The following COPZ2 variants were observed in gnomAD, a reference collection of about 807,000 sequenced individuals.
COPZ2 encodes coatomer subunit zeta-2.
A neutral mutation model predicts 33.2 loss-of-function variants in COPZ2; 30 were observed. The observed-to-expected ratio is 0.90, with a 90% CI of 0.68 to 1.23. The LOEUF is 1.23. COPZ2 is among the 50% of genes most tolerant of loss of function. The probability of loss-of-function intolerance (pLI) is 0.00; values close to 1 mark genes in which losing one functional copy is unlikely to be tolerated. For missense variants in COPZ2, 263 were observed against 262.4 expected (o/e 1.00, Z -0.02); for synonymous variants, 89 against 102.6 (o/e 0.87, Z 0.80).
chr17:48,033,816 G>T, intron 3 of COPZ2, 47 bp downstream of exon 3: 1 of 1,385,000 alleles, frequency 7.2e-7, no homozygotes, highest in Non-Finnish European at 1.0e-6. Context: ...TGGAGAAGAT[G>T]ACAGTGTGCA....
the COPZ2 span, chr17:48,046,914 C>T: frequency 0.13 from 20,102 of 152,170 alleles, 1,827 homozygotes; most frequent in Non-Finnish European, 0.19. Flanking sequence ...GGGAGACACG[C>T]GTCAGTAGTC....
upstream of COPZ2, among the ~76,000 whole-genome samples, chr17:48,041,304 A>G (rs11079805): frequency 0.11 from 16,209 of 152,238 alleles, 1,116 homozygotes; most frequent in African/African-American, 0.19. Context: ...GTGTTTGTGT[A>G]TGTACATGCG....
Position 48,037,278 on chromosome 17 carries a change from C to A in COPZ2, c.112-353G>T, listed in dbSNP as rs1362126187. ...CCGAGCCTCCTTCTTCCAGCTGATC[C>A]CTGGCCGGGCTGGACCTGCGCTATC... On this transcript the variant is annotated intron_variant, in intron 1 of 8. Transcript: ENST00000621465. The surrounding 1 kb of genome is among the most constrained non-coding windows in gnomAD (Gnocchi z 5.6). The A allele has an allele frequency of 1.9e-6, 1 of 539,582 alleles. No homozygotes were observed. The highest frequency in any genetic ancestry group is 3.6e-6 in the Non-Finnish European group (1 of 276,064). The allele number at this position is 539,582 out of a possible 1,614,324, so 33.4% of individuals were successfully genotyped here.
At chr17:48,035,757 T>C (rs917384744) in intron 2 of COPZ2, among the ~76,000 whole-genome samples, 10 of 140,906 alleles carry the variant, frequency 7.1e-5, no homozygotes, top group Non-Finnish European at 1.1e-4. Flanking sequence ...TCTTTTCTTT[T>C]TTTTTTTTTT....
upstream of COPZ2, among the ~76,000 whole-genome samples, chr17:48,039,804 G>C (rs1160575877): frequency 6.6e-6 from 1 of 152,130 alleles, no homozygotes; most frequent in Non-Finnish European, 1.5e-5. Context: ...ACAGTGGTGT[G>C]ATCATAGTTC....
At chr17:48,030,457 C>T (rs761143094) in intron 6 of COPZ2, among the ~76,000 whole-genome samples, 25 of 152,130 alleles carry the variant, frequency 1.6e-4, no homozygotes, top group Admixed American at 2.6e-4. Context: ...CCTGTCACTG[C>T]GGCAGGACAA....
At chr17:48,043,678 C>T in the COPZ2 span, 3 of 371,132 alleles carry the variant, frequency 8.1e-6, no homozygotes, top group East Asian at 3.3e-4. Context: ...GGGCCTTATA[C>T]TCAGCTCTTC....
At chr17:48,030,289 A>AACACACACAC (rs71935471) in intron 6 of COPZ2, among the ~76,000 whole-genome samples, 3,631 of 128,334 alleles carry the variant, frequency 0.028, 66 homozygotes, top group Middle Eastern at 0.044. Flanking sequence ...TCCATCTCAA[A>AACACACACAC]ACACACACAC....
In COPZ2 at chr17:48,033,224, G is replaced by T; in HGVS notation, c.347C>A (p.Ser116Tyr). ...IDLFLYVVGSSYENELMLMSV... is the reference protein window; with the variant it reads ...IDLFLYVVGSYYENELMLMSV... Reference sequence around the variant, plus strand: ...TCCTGAATTCACCTCATTCTCGTAGGATGAGCCCACCACGTATAGGAAGAG... The same window carrying T: ...TCCTGAATTCACCTCATTCTCGTAGTATGAGCCCACCACGTATAGGAAGAG... The change falls in exon 4 of 9, where the codon TCC becomes TAC. Residue 116 changes from serine (S) to tyrosine (Y), a missense_variant. Transcript: ENST00000621465. The T allele has an allele frequency of 6.2e-7, 1 of 1,610,096 alleles. No individual in the cohort carries two copies.
At chr17:48,036,797 A>G in intron 2 of COPZ2, 54 bp downstream of exon 2, 1 of 1,532,046 alleles carries the variant, frequency 6.5e-7, no homozygotes, top group Non-Finnish European at 9.0e-7. Flanking sequence ...CTCCTGAGAC[A>G]GGAGTGTCAG....
At position 48,033,259 on chromosome 17, in the gene COPZ2, G is replaced by C; in HGVS notation, c.312C>G (p.Asn104Lys). 2 of 1,613,378 alleles carry C rather than the reference G, an allele frequency of 1.2e-6. No homozygotes were observed. Among genetic ancestry groups the C allele is most frequent in the Middle Eastern group, 1.6e-4 (1 of 6,062 alleles). Residue 104 changes from asparagine to lysine, a missense_variant, in exon 4 of 9, where the codon AAC (asparagine) becomes AAG (lysine). Asn to Lys is a moderately conservative substitution (Grantham distance 94). Coordinates refer to ENST00000621465, the MANE Select transcript of COPZ2 (RefSeq NM_016429.4). ...CCACGTATAGGAAGAGGTCAATGCT[G>C]TTCTTGTAGACGATGGTCATACCCC... is the stretch of plus-strand genomic sequence containing the variant. ...FFGGMTIVYK[N>K]SIDLFLYVVG...
Position 48,037,152 on chromosome 17 carries a change from G to T in COPZ2, c.112-227C>A, listed in dbSNP as rs547445418. 2.6e-6 allele frequency: 2 copies of T among 758,158 alleles called. No homozygotes were observed. The highest frequency in any genetic ancestry group is 4.9e-6 in the Non-Finnish European group (2 of 404,536). 47.0% of individuals were successfully genotyped at this position (758,158 alleles called of 1,614,324 possible). On this transcript the variant is annotated intron_variant, in intron 1 of 8. Coordinates refer to ENST00000621465, the MANE Select transcript of COPZ2 (RefSeq NM_016429.4). The surrounding 1 kb of genome is among the most constrained non-coding windows in gnomAD (Gnocchi z 5.6). ...CCCCGAGTGGGCGCTGTGCCCGTTG[G>T]GTGCAGAAGGTCCTTCCGGGCCCAA...
the COPZ2 span, among the ~76,000 whole-genome samples, chr17:48,044,403 CTTTTTTTT>C: frequency 2.0e-5 from 2 of 101,756 alleles, no homozygotes; most frequent in African/African-American, 3.4e-5. Flanking sequence ...CAATCTTTTG[CTTTTTTTT>C]TTTTTTTTTT....
At chr17:48,045,048 C>A in the COPZ2 span, 1 of 152,168 alleles carries the variant, frequency 6.6e-6, no homozygotes, top group South Asian at 2.1e-4. Flanking sequence ...CCTCAACCTC[C>A]CCAGGATCGG....
intron 6 of COPZ2, among the ~76,000 whole-genome samples, chr17:48,030,452 C>T (rs1348623223): frequency 6.6e-6 from 1 of 152,176 alleles, no homozygotes. Flanking sequence ...GAGGGCCTGT[C>T]ACTGCGGCAG....
At chr17:48,044,076 G>C in the COPZ2 span, among the ~76,000 whole-genome samples, 1 of 152,250 alleles carries the variant, frequency 6.6e-6, no homozygotes, top group East Asian at 1.9e-4. Flanking sequence ...GCCGGGTGCA[G>C]TGGCTCACGC....
chr17:48,036,653 C>G (rs961949938), intron 2 of COPZ2, among the ~76,000 whole-genome samples, 198 bp downstream of exon 2: 7 of 152,184 alleles, frequency 4.6e-5, no homozygotes, highest in Admixed American at 2.6e-4. Flanking sequence ...GGAAACATTT[C>G]AGGGAACATG....
At chr17:48,046,282 A>G in the COPZ2 span, 1 of 152,236 alleles carries the variant, frequency 6.6e-6, no homozygotes, top group Non-Finnish European at 1.5e-5. Context: ...GTAGTTAAAC[A>G]CTGTAGTTGA....
At chr17:48,029,285 C>G in intron 6 of COPZ2, 109 bp from the exon 7 acceptor site, 9 of 973,910 alleles carry the variant, frequency 9.2e-6, no homozygotes, top group Non-Finnish European at 1.3e-5. Context: ...TGCAACATCT[C>G]CACCTTCCAG....
Sources: gnomAD v4.1 joint callset for allele counts (sites outside exome capture counted in the v4.1 genomes callset) on GRCh38, gnomAD v4.1.1 for gene constraint, Gnocchi (gnomAD v3.1) non-coding constraint, MANE v1.5 for transcripts, NCBI Gene and HGNC (gene_info 2026-07-23, HGNC 2026-07-21) for gene names.